Variants in TRIO observed in about 807,000 individuals in gnomAD.
The protein encoded by TRIO is trio Rho guanine nucleotide exchange factor, also known as triple functional domain protein.
A neutral mutation model predicts 351.9 loss-of-function variants in TRIO; 58 were observed. That is an observed-to-expected ratio of 0.16 (90% confidence interval 0.13 to 0.21). The LOEUF (loss-of-function observed/expected upper bound fraction) is 0.21, where lower values mean the gene tolerates loss of function less well. Among genes scored for constraint, TRIO ranks in the 10% least tolerant of loss-of-function variants. The pLI is 1.00. For synonymous variants in TRIO, 1,758 were observed against 1,595.7 expected (o/e 1.10, Z -2.42); for missense variants, 3,201 against 4,027.8 (o/e 0.79, Z 5.56).
intron 39 of TRIO, among the ~76,000 whole-genome samples, chr5:14,473,082 A>T (rs1209728733): frequency 6.6e-6 from 1 of 152,198 alleles, no homozygotes; most frequent in African/African-American, 2.4e-5. Flanking sequence ...ACCCAGGTTC[A>T]GAGCCTGTAC....
intron 3 of TRIO, among the ~76,000 whole-genome samples, chr5:14,281,138 C>T (rs966070574): frequency 6.6e-6 from 1 of 152,136 alleles, no homozygotes; most frequent in Non-Finnish European, 1.5e-5. Flanking sequence ...AGGAAATTTC[C>T]TCCCTATATT....
intron 1 of TRIO, among the ~76,000 whole-genome samples, chr5:14,194,046 C>T (rs1790608228): frequency 6.6e-6 from 1 of 152,174 alleles, no homozygotes; most frequent in Non-Finnish European, 1.5e-5. Context: ...CCAAACCCTC[C>T]ATGCAGTGAG....
At chr5:14,421,436 C>T (rs971288771) in intron 34 of TRIO, among the ~76,000 whole-genome samples, 4 of 151,400 alleles carry the variant, frequency 2.6e-5, no homozygotes, top group Admixed American at 6.6e-5. Context: ...AACCCCGTCT[C>T]TACTAAAAAT....
chr5:14,287,701 G>A (rs940716304), intron 4 of TRIO, among the ~76,000 whole-genome samples: 2 of 150,722 alleles, frequency 1.3e-5, no homozygotes, highest in East Asian at 1.9e-4. Flanking sequence ...CAAGGCCTTC[G>A]GTGCAGTTAG....
chr5:14,487,806 G>C lies in TRIO; in HGVS notation c.7178G>C (p.Arg2393Pro). 7.1e-7 allele frequency: 1 copy of C among 1,416,152 alleles called. No homozygotes were observed. The highest frequency in any genetic ancestry group is 9.2e-7 in the Non-Finnish European group (1 of 1,084,118). 87.7% of individuals were successfully genotyped at this position (1,416,152 alleles called of 1,614,324 possible). A position where few individuals can be genotyped will look rare whatever the true frequency, so the allele number is the denominator to read the frequency against. Residue 2393 changes from arginine to proline, a missense_variant, in exon 48 of 57, where the codon CGG becomes CCG. Arg to Pro is a moderately radical substitution (Grantham distance 103). Transcript: ENST00000344204. Reference protein sequence around the residue: ...PEAGPSAPSRRPPGADAEGSE... With the variant: ...PEAGPSAPSRPPPGADAEGSE... ...GCCGGCCCCAGCGCGCCCAGCAGGC[G>C]GCCCCCCGGCGCGGACGCCGAGGGG...
intron 1 of TRIO, among the ~76,000 whole-genome samples, chr5:14,210,908 C>A (rs1231103108): frequency 6.6e-6 from 1 of 151,512 alleles, no homozygotes; most frequent in Non-Finnish European, 1.5e-5. Context: ...CCTCCTTTCA[C>A]CCTTCTCCTC....
At chr5:14,163,627 T>C (rs1477915274) in intron 1 of TRIO, among the ~76,000 whole-genome samples, 1 of 152,256 alleles carries the variant, frequency 6.6e-6, no homozygotes, top group East Asian at 1.9e-4. Flanking sequence ...TATTGCCTCT[T>C]GCAGGGAGCT....
At chr5:14,426,575 A>G (rs1038662579) in intron 34 of TRIO, among the ~76,000 whole-genome samples, 1 of 152,246 alleles carries the variant, frequency 6.6e-6, no homozygotes, top group Non-Finnish European at 1.5e-5. Flanking sequence ...TGTAACAGGA[A>G]TGATGATTGC....
chr5:14,274,162 A>G (rs1735288048), intron 2 of TRIO, among the ~76,000 whole-genome samples: 1 of 152,320 alleles, frequency 6.6e-6, no homozygotes, highest in East Asian at 1.9e-4. Context: ...TGCTTGTCTC[A>G]TATGCATTGC....
At chr5:14,208,932 T>G (rs887883148) in intron 1 of TRIO, among the ~76,000 whole-genome samples, 1 of 152,266 alleles carries the variant, frequency 6.6e-6, no homozygotes, top group African/African-American at 2.4e-5. Context: ...AGTTTGTTTG[T>G]AAAACTGGAT....
intron 11 of TRIO, among the ~76,000 whole-genome samples, chr5:14,354,259 A>T (rs1280469641): frequency 6.6e-6 from 1 of 152,186 alleles, no homozygotes; most frequent in Non-Finnish European, 1.5e-5. Flanking sequence ...TGTCTTGATT[A>T]ATTTTGTTCT....
At chr5:14,175,801 G>A (rs977270367) in intron 1 of TRIO, among the ~76,000 whole-genome samples, 3 of 152,204 alleles carry the variant, frequency 2.0e-5, no homozygotes, top group South Asian at 2.1e-4. Context: ...AAATCTGTGC[G>A]AGTCATGAAA....
chr5:14,388,886 A>T (rs747609037), intron 24 of TRIO, among the ~76,000 whole-genome samples: 1 of 152,132 alleles, frequency 6.6e-6, no homozygotes, highest in Non-Finnish European at 1.5e-5. Flanking sequence ...TACAGAGATG[A>T]TACAGCATTA....
intron 1 of TRIO, among the ~76,000 whole-genome samples, chr5:14,259,004 A>G (rs1795187604): frequency 6.6e-6 from 1 of 152,120 alleles, no homozygotes; most frequent in African/African-American, 2.4e-5. Context: ...GAGGTAATCC[A>G]AGGGAGGAGA....
rs370546185 is a variant in TRIO, at chr5:14,256,125, T to C, written c.158-14700T>C. Among the ~76,000 whole-genome samples the C allele has an allele frequency of 5.9e-5, 9 of 152,348 alleles. No homozygotes were observed. The South Asian group carries it at 1.9e-3, about 32-fold the overall frequency. On this transcript the variant is annotated intron_variant, in intron 1 of 56. Transcript: ENST00000344204. The stretch of plus-strand genomic sequence containing the variant: ...GTGTAGGAAGCACTGTGCCAGGATC[T>C]GCTTTTGGTGAGGGCCTCAGGAAGC...
intron 34 of TRIO, among the ~76,000 whole-genome samples, chr5:14,455,950 G>A (rs758590382): frequency 5.9e-5 from 9 of 152,352 alleles, no homozygotes; most frequent in Admixed American, 1.3e-4. Context: ...CTCAGGCTGC[G>A]TGGGAGCCCA....
At chr5:14,428,965 T>C (rs1467569940) in intron 34 of TRIO, among the ~76,000 whole-genome samples, 1 of 152,200 alleles carries the variant, frequency 6.6e-6, no homozygotes, top group Non-Finnish European at 1.5e-5. Flanking sequence ...TGGACTTCCT[T>C]TACTGCCTCC....
intron 30 of TRIO, 176 bp downstream of exon 30, chr5:14,399,246 C>G: frequency 3.1e-6 from 2 of 645,186 alleles, no homozygotes; most frequent in South Asian, 2.0e-5. Context: ...ACCCTCAAGT[C>G]CACTAGAGGG....
chr5:14,217,098 C>A (rs26137), intron 1 of TRIO, among the ~76,000 whole-genome samples: 39,611 of 152,132 alleles, frequency 0.26, 5,399 homozygotes, highest in East Asian at 0.45. Context: ...CCATGCGTCA[C>A]CGAGTTCTCT....
Sources: allele counts gnomAD v4.1 joint callset (sites outside exome capture counted in the v4.1 genomes callset), GRCh38; gene constraint gnomAD v4.1.1; transcripts MANE v1.5; gene names NCBI Gene and HGNC (gene_info 2026-07-23, HGNC 2026-07-21).